The following FHOD3 variants were observed in gnomAD, a reference collection of about 807,000 sequenced individuals.
FHOD3 encodes formin homology 2 domain containing 3, also known as FH1/FH2 domain-containing protein 3.
In FHOD3, 90 loss-of-function variants were observed where a neutral mutation model predicts 173.0. That is an observed-to-expected ratio of 0.52 (90% CI 0.44 to 0.62). The LOEUF (loss-of-function observed/expected upper bound fraction) is 0.62. Among genes scored for constraint, FHOD3 ranks in the 20% least tolerant of loss-of-function variants. The pLI, the probability that FHOD3 is intolerant of heterozygous loss-of-function variation, is 0.00. For missense variants in FHOD3, 1,945 were observed against 2,034.7 expected (o/e 0.96, Z 0.85); for synonymous variants, 828 against 823.0 (o/e 1.01, Z -0.10).
chr18:36,662,547 G>T (rs984305456), intron 14 of FHOD3, among the ~76,000 whole-genome samples: 7 of 152,172 alleles, frequency 4.6e-5, no homozygotes, highest in Non-Finnish European at 8.8e-5. Context: ...AATGTCAAGA[G>T]CCCTTAGAAG....
chr18:36,705,900 A>G (rs2039849919), intron 17 of FHOD3, among the ~76,000 whole-genome samples: 1 of 150,570 alleles, frequency 6.6e-6, no homozygotes, highest in Admixed American at 6.6e-5. Flanking sequence ...GTTTTCCTGC[A>G]TTTTCCCAGA....
chr18:36,512,798 T>A (rs1411055900), intron 5 of FHOD3, among the ~76,000 whole-genome samples: 2 of 152,222 alleles, frequency 1.3e-5, no homozygotes, highest in African/African-American at 4.8e-5. Flanking sequence ...ACTGTACCAC[T>A]CACTGGGTTC....
rs564050911 is a variant in FHOD3, at chr18:36,451,740, T to G, written c.338-50192T>G. Reference sequence around the variant, plus strand: ...CAGGATGAAATCAGCTTCTCTGAGGTGGGAGGGAGGGAAGCAGGACCTCTC... The same window carrying G: ...CAGGATGAAATCAGCTTCTCTGAGGGGGGAGGGAGGGAAGCAGGACCTCTC... On this transcript the variant is annotated intron_variant, in intron 3 of 28. Coordinates refer to ENST00000590592, the MANE Select transcript of FHOD3 (RefSeq NM_001281740.3). Among the ~76,000 whole-genome samples, 186 of 152,188 alleles carry G rather than the reference T, an allele frequency of 1.2e-3. 1 individual carries two copies. Among genetic ancestry groups the G allele is most frequent in the African/African-American group, 4.2e-3 (173 of 41,530 alleles).
Position 36,599,515 on chromosome 18 carries a change from G to A in FHOD3, c.719-3159G>A, listed in dbSNP as rs557259922. Among the ~76,000 whole-genome samples the A allele has an allele frequency of 1.2e-4, 18 of 152,314 alleles. No homozygotes were observed. In the South Asian group the frequency reaches 3.7e-3, roughly 32 times the overall value. Reference sequence around the variant, plus strand: ...TCTCTTTCCACTGTTATTTATAGCAGAAGCATCCACATTGAGTGTGTTTAT... The same window carrying A: ...TCTCTTTCCACTGTTATTTATAGCAAAAGCATCCACATTGAGTGTGTTTAT... On this transcript the variant is annotated intron_variant, in intron 7 of 28. Coordinates refer to ENST00000590592, the MANE Select transcript of FHOD3 (RefSeq NM_001281740.3).
chr18:36,629,753 A>G (rs539666683), intron 10 of FHOD3, among the ~76,000 whole-genome samples: 1 of 152,130 alleles, frequency 6.6e-6, no homozygotes, highest in Non-Finnish European at 1.5e-5. Context: ...AGCCAGATTG[A>G]GGGACACATG....
At chr18:36,360,023 G>T (rs117876148) in intron 2 of FHOD3, among the ~76,000 whole-genome samples, 1 of 152,226 alleles carries the variant, frequency 6.6e-6, no homozygotes, top group Non-Finnish European at 1.5e-5. Flanking sequence ...AAGAGACCTC[G>T]ATGGAGGTTT....
intron 11 of FHOD3, 92 bp from the exon 12 acceptor site, chr18:36,652,478 G>A: frequency 1.4e-6 from 2 of 1,392,440 alleles, no homozygotes; most frequent in Non-Finnish European, 9.5e-7. Flanking sequence ...GTACAGAAGT[G>A]GCTTTTTGCC....
At chr18:36,382,863 T>C (rs1261306251) in intron 3 of FHOD3, among the ~76,000 whole-genome samples, 1 of 152,254 alleles carries the variant, frequency 6.6e-6, no homozygotes, top group African/African-American at 2.4e-5. Flanking sequence ...ATATGTTTCA[T>C]TTCTAGCTTT....
chr18:36,675,784 T>G (rs1393927291), intron 14 of FHOD3, among the ~76,000 whole-genome samples: 2 of 152,152 alleles, frequency 1.3e-5, no homozygotes, highest in East Asian at 3.8e-4. Flanking sequence ...GTGAGGCTCT[T>G]CTATGTGCCA....
chr18:36,639,707 C>T (rs967073331), intron 10 of FHOD3, among the ~76,000 whole-genome samples: 1 of 150,782 alleles, frequency 6.6e-6, no homozygotes, highest in Non-Finnish European at 1.5e-5. Flanking sequence ...CCTGTAGTCC[C>T]AGCTACTCGG....
At chr18:36,359,508 T>G (rs1405524558) in intron 2 of FHOD3, among the ~76,000 whole-genome samples, 1 of 152,074 alleles carries the variant, frequency 6.6e-6, no homozygotes, top group Non-Finnish European at 1.5e-5. Flanking sequence ...TTATTTTTCC[T>G]GACGTTGTCA....
intron 5 of FHOD3, 89 bp from the exon 6 acceptor site, chr18:36,576,362 G>A (rs2058649423): frequency 1.2e-6 from 1 of 852,970 alleles, no homozygotes; most frequent in Non-Finnish European, 1.8e-6. Flanking sequence ...TGTACTTAAA[G>A]TATGAAAATC....
intron 6 of FHOD3, among the ~76,000 whole-genome samples, chr18:36,593,520 A>G (rs2029863074): frequency 6.6e-6 from 1 of 152,172 alleles, no homozygotes; most frequent in Admixed American, 6.5e-5. Context: ...ACTGCACAAC[A>G]CAGTCCCCTC....
In FHOD3 at chr18:36,512,430, C is replaced by T. The variant is rs781011673; in HGVS notation, c.406-8C>T. On this transcript the variant is annotated splice_polypyrimidine_tract_variant and splice_region_variant and intron_variant, in intron 4 of 28. Coordinates refer to ENST00000590592, the MANE Select transcript of FHOD3 (RefSeq NM_001281740.3). ...TATTTGAAGTATTTTTGTTTTCTTT[C>T]CTGCCAGGATGACAAGGATTTGGTG... 6.2e-7 allele frequency: 1 copy of T among 1,610,478 alleles called. No individual in the cohort carries two copies. Among genetic ancestry groups the T allele is most frequent in the Non-Finnish European group, 8.5e-7 (1 of 1,177,082 alleles).
At chr18:36,619,157 A>G (rs536227273) in intron 9 of FHOD3, among the ~76,000 whole-genome samples, 1 of 152,298 alleles carries the variant, frequency 6.6e-6, no homozygotes, top group South Asian at 2.1e-4. Context: ...ATATTCTGCT[A>G]GGGCTGTAAA....
intron 3 of FHOD3, among the ~76,000 whole-genome samples, chr18:36,400,381 T>C (rs980602226): frequency 2.0e-5 from 3 of 152,186 alleles, no homozygotes; most frequent in Non-Finnish European, 4.4e-5. Flanking sequence ...AATGGTCTTG[T>C]AAGTCCAATT....
At chr18:36,732,445 A>G (rs1331793263) in intron 20 of FHOD3, among the ~76,000 whole-genome samples, 1 of 152,200 alleles carries the variant, frequency 6.6e-6, no homozygotes, top group East Asian at 1.9e-4. Context: ...CTTTCCTGGC[A>G]GAAGAAGTTG....
At chr18:36,344,659 A>C (rs538130891) in intron 1 of FHOD3, among the ~76,000 whole-genome samples, 8 of 152,332 alleles carry the variant, frequency 5.3e-5, no homozygotes, top group South Asian at 4.1e-4. Flanking sequence ...GGAAACTAGA[A>C]CATGCAGATT....
intron 14 of FHOD3, among the ~76,000 whole-genome samples, chr18:36,673,480 C>T (rs1389040249): frequency 1.3e-5 from 2 of 152,056 alleles, no homozygotes; most frequent in Admixed American, 1.3e-4. Context: ...TTTACTTTAC[C>T]TCTCCCTCTC....
Sources: gnomAD v4.1 joint callset for allele counts (sites outside exome capture counted in the v4.1 genomes callset) on GRCh38, gnomAD v4.1.1 for gene constraint, MANE v1.5 for transcripts, NCBI Gene and HGNC (gene_info 2026-07-23, HGNC 2026-07-21) for gene names.